Variants in MAD1L1 observed in about 807,000 individuals in gnomAD.
MAD1L1 encodes the protein mitotic spindle assembly checkpoint protein MAD1.
Under a neutral mutation model 96.9 loss-of-function variants are expected in MAD1L1, and 95 were observed. The ratio of observed to expected loss-of-function variants is 0.98; its 90% CI spans 0.83 to 1.16. The LOEUF (loss-of-function observed/expected upper bound fraction) is 1.16. Ranked by LOEUF, MAD1L1 falls within the 50% of genes most tolerant of loss-of-function variation. The pLI, the probability that MAD1L1 is intolerant of heterozygous loss-of-function variation, is 0.00. For missense variants in MAD1L1, 1,007 were observed against 954.4 expected (o/e 1.06, Z -0.73); for synonymous variants, 473 against 396.6 (o/e 1.19, Z -2.29).
At chr7:1,892,693 C>G (rs564103264) in intron 18 of MAD1L1, among the ~76,000 whole-genome samples, 2 of 152,292 alleles carry the variant, frequency 1.3e-5, no homozygotes, top group South Asian at 4.1e-4. Context: ...CCCGGTAGGT[C>G]GACATCGCCA....
At chr7:1,837,985 C>A (rs1261640031) in intron 18 of MAD1L1, among the ~76,000 whole-genome samples, 1 of 152,244 alleles carries the variant, frequency 6.6e-6, no homozygotes, top group Non-Finnish European at 1.5e-5. Flanking sequence ...TGAAACACGG[C>A]AGCGTGCTGC....
chr7:1,944,044 T>A (rs983879255), intron 16 of MAD1L1, among the ~76,000 whole-genome samples: 1 of 151,852 alleles, frequency 6.6e-6, no homozygotes, highest in Non-Finnish European at 1.5e-5. Context: ...GAAAAGCCAA[T>A]CACAAAGGCC....
intron 18 of MAD1L1, among the ~76,000 whole-genome samples, chr7:1,856,467 C>T (rs1157231334): frequency 2.0e-5 from 3 of 152,342 alleles, no homozygotes; most frequent in South Asian, 2.1e-4. Flanking sequence ...CGCGGAGCAC[C>T]GCCCACCCCC....
chr7:1,856,456 G>A (rs531073902), intron 18 of MAD1L1, among the ~76,000 whole-genome samples: 8 of 152,328 alleles, frequency 5.3e-5, no homozygotes, highest in African/African-American at 1.2e-4. Flanking sequence ...GGGAACCAGC[G>A]CGCGGAGCAC....
intron 3 of MAD1L1, 126 bp downstream of exon 3, chr7:2,229,858 G>A: frequency 2.9e-6 from 3 of 1,044,296 alleles, no homozygotes; most frequent in South Asian, 3.3e-5. Flanking sequence ...TGAGACCTGG[G>A]AGACGAATAG....
chr7:2,044,320 T>C (rs1584171091), intron 12 of MAD1L1, among the ~76,000 whole-genome samples: 1 of 152,206 alleles, frequency 6.6e-6, no homozygotes, highest in Admixed American at 6.5e-5. Context: ...TTCGGCTGGG[T>C]TCCACACAGC....
chr7:2,004,360 T>G (rs747392797), intron 13 of MAD1L1, among the ~76,000 whole-genome samples: 41 of 152,222 alleles, frequency 2.7e-4, no homozygotes, highest in Non-Finnish European at 5.3e-4. Context: ...CACACTGTCC[T>G]GGGCACACAG....
At chr7:1,859,081 C>G (rs376527361) in intron 18 of MAD1L1, among the ~76,000 whole-genome samples, 2 of 83,356 alleles carry the variant, frequency 2.4e-5, no homozygotes, top group African/African-American at 5.8e-5. Context: ...GGGCCAGGCA[C>G]CTGAGAGAGG....
At chr7:2,211,659 C>T (rs896140686) in intron 10 of MAD1L1, among the ~76,000 whole-genome samples, 3 of 152,184 alleles carry the variant, frequency 2.0e-5, no homozygotes, top group South Asian at 4.1e-4. Context: ...CCGCTGAGGC[C>T]GGCCCTACAG....
At chr7:1,868,518 G>A (rs1469718090) in intron 18 of MAD1L1, among the ~76,000 whole-genome samples, 1 of 134,996 alleles carries the variant, frequency 7.4e-6, no homozygotes, top group Non-Finnish European at 1.6e-5. Context: ...AGAAAGTACA[G>A]GCTCAGCAGG....
intron 18 of MAD1L1, among the ~76,000 whole-genome samples, chr7:1,867,028 G>A (rs879387318): frequency 6.6e-6 from 1 of 152,214 alleles, no homozygotes; most frequent in Non-Finnish European, 1.5e-5. Context: ...CCTGACCGCA[G>A]AGTGGGTCAC....
At chr7:2,161,904 G>A (rs770152159) in intron 10 of MAD1L1, among the ~76,000 whole-genome samples, 2 of 147,178 alleles carry the variant, frequency 1.4e-5, no homozygotes, top group Non-Finnish European at 3.0e-5. Context: ...GGCAGCCCCC[G>A]CCCGCCAGCC....
chr7:2,122,855 T>C (rs1788044418), intron 11 of MAD1L1, among the ~76,000 whole-genome samples: 1 of 152,226 alleles, frequency 6.6e-6, no homozygotes, highest in African/African-American at 2.4e-5. Flanking sequence ...GTGCAGGCCA[T>C]GGCGTCAGTG....
At chr7:2,163,386 T>C (rs28655324) in intron 10 of MAD1L1, among the ~76,000 whole-genome samples, 2 of 152,118 alleles carry the variant, frequency 1.3e-5, no homozygotes, top group African/African-American at 2.4e-5. Flanking sequence ...TTGTTTTTTG[T>C]TTTTTGAGAC....
intron 12 of MAD1L1, among the ~76,000 whole-genome samples, chr7:2,061,076 C>T (rs528681271): frequency 9.2e-5 from 14 of 152,372 alleles, no homozygotes; most frequent in African/African-American, 2.9e-4. Flanking sequence ...CAGTGGCTCA[C>T]GCCTGTAATC....
chr7:2,183,361 G>C (rs1400065069), intron 10 of MAD1L1, among the ~76,000 whole-genome samples: 1 of 152,106 alleles, frequency 6.6e-6, no homozygotes, highest in Non-Finnish European at 1.5e-5. Context: ...CCAGAATAAA[G>C]AACTTGGAAA....
chr7:2,162,529 T>C (rs1168372220), intron 10 of MAD1L1, among the ~76,000 whole-genome samples: 1 of 151,712 alleles, frequency 6.6e-6, no homozygotes, highest in Admixed American at 6.6e-5. Context: ...CCCTCCACTA[T>C]TGTCCTATGA....
chr7:2,183,396 C>T (rs1791297749), intron 10 of MAD1L1, among the ~76,000 whole-genome samples: 1 of 152,056 alleles, frequency 6.6e-6, no homozygotes, highest in African/African-American at 2.4e-5. Flanking sequence ...AGAAAGCAAA[C>T]CAATACAATT....
chr7:1,939,583 C>T (rs1778843904), intron 16 of MAD1L1, among the ~76,000 whole-genome samples: 1 of 152,166 alleles, frequency 6.6e-6, no homozygotes. Flanking sequence ...AGGCCAGCAC[C>T]ACGCATAGCA....
Sources: allele counts gnomAD v4.1 joint callset (sites outside exome capture counted in the v4.1 genomes callset), GRCh38; gene constraint gnomAD v4.1.1; transcripts MANE v1.5; gene names NCBI Gene and HGNC (gene_info 2026-07-23, HGNC 2026-07-21).